The following BABAM2 variants were observed in gnomAD, a reference collection of about 807,000 sequenced individuals.
BABAM2 encodes BRISC and BRCA1 A complex member 2, also known as BRISC and BRCA1-A complex member 2.
A neutral mutation model predicts 54.7 loss-of-function variants in BABAM2; 31 were observed. The observed-to-expected ratio is 0.57, with a 90% CI of 0.43 to 0.77. The LOEUF is 0.77. Among genes scored for constraint, BABAM2 ranks in the 30% least tolerant of loss-of-function variants. The probability of loss-of-function intolerance (pLI) is 0.00; values close to 1 mark genes in which losing one functional copy is unlikely to be tolerated. For synonymous variants in BABAM2, 167 were observed against 162.9 expected, an observed-to-expected ratio of 1.03 and a Z score of -0.19; for missense variants, 364 against 455.8, an observed-to-expected ratio of 0.80 and a Z score of 1.83.
chr2:28,064,006 TTACCCCAAGAGAC>T (rs1477597730), intron 6 of BABAM2, among the ~76,000 whole-genome samples: 1 of 152,192 alleles, frequency 6.6e-6, no homozygotes, highest in African/African-American at 2.4e-5. Context: ...CACGCTCTTT[TTACCCCAAGAGAC>T]TACCATGGAG....
At chr2:28,194,085 C>A (rs1429412293) in intron 7 of BABAM2, among the ~76,000 whole-genome samples, 3 of 152,036 alleles carry the variant, frequency 2.0e-5, no homozygotes, top group Non-Finnish European at 4.4e-5. Flanking sequence ...CGGGAGTGTT[C>A]CAGTCAAAGG....
intron 4 of BABAM2, among the ~76,000 whole-genome samples, chr2:28,013,529 A>T (rs1268712866): frequency 9.2e-5 from 14 of 152,088 alleles, no homozygotes; most frequent in Admixed American, 9.2e-4. Flanking sequence ...TTTGCCCAAG[A>T]CATATGTCCT....
intron 6 of BABAM2, among the ~76,000 whole-genome samples, chr2:28,112,419 C>T (rs186135949): frequency 6.9e-4 from 105 of 151,738 alleles, no homozygotes; most frequent in Admixed American, 1.8e-3. Context: ...CATGTGTTCT[C>T]ATTCTTCAAC....
chr2:28,152,253 C>T (rs1315727647), intron 7 of BABAM2, among the ~76,000 whole-genome samples: 4 of 152,188 alleles, frequency 2.6e-5, no homozygotes, highest in African/African-American at 9.7e-5. Context: ...ACCACAGCCC[C>T]TCTGCCCTGG....
intron 3 of BABAM2, among the ~76,000 whole-genome samples, chr2:27,960,421 A>G (rs539112718): frequency 1.8e-4 from 27 of 152,054 alleles, no homozygotes; most frequent in Non-Finnish European, 2.8e-4. Context: ...TTGTTAAACA[A>G]TGAACTCAGA....
intron 2 of BABAM2, among the ~76,000 whole-genome samples, chr2:27,928,710 C>T (rs905119199): frequency 3.3e-5 from 5 of 152,028 alleles, no homozygotes; most frequent in Non-Finnish European, 5.9e-5. Context: ...TCCTTGCTTT[C>T]GTTTGTAAAT....
chr2:28,221,111 CCTCTCTCTCT>C (rs72394956), intron 7 of BABAM2, among the ~76,000 whole-genome samples: 1 of 148,422 alleles, frequency 6.7e-6, no homozygotes, highest in Non-Finnish European at 1.5e-5. Flanking sequence ...TCCCTTTTTT[CCTCTCTCTCT>C]CTCTCTCTCT....
At chr2:28,156,680 G>C (rs901305112) in intron 7 of BABAM2, among the ~76,000 whole-genome samples, 9 of 152,054 alleles carry the variant, frequency 5.9e-5, no homozygotes, top group African/African-American at 2.2e-4. Context: ...GAGCATAAAA[G>C]GCTTATCTTA....
At chr2:28,298,040 C>T (rs1687834634) in intron 10 of BABAM2, among the ~76,000 whole-genome samples, 1 of 152,188 alleles carries the variant, frequency 6.6e-6, no homozygotes, top group Admixed American at 6.5e-5. Flanking sequence ...CCCAAGCATC[C>T]TTCCCTAAGC....
At chr2:28,128,350 A>G (rs1669751337) in intron 6 of BABAM2, among the ~76,000 whole-genome samples, 1 of 152,218 alleles carries the variant, frequency 6.6e-6, no homozygotes, top group Non-Finnish European at 1.5e-5. Flanking sequence ...GGTTATTAAA[A>G]TTTGGTATTC....
At chr2:27,942,389 C>T (rs1471498639) in intron 3 of BABAM2, among the ~76,000 whole-genome samples, 1 of 152,066 alleles carries the variant, frequency 6.6e-6, no homozygotes, top group African/African-American at 2.4e-5. Flanking sequence ...GAGACAGGGT[C>T]TCGCCATGTC....
At chr2:28,151,036 G>A (rs1210188580) in intron 7 of BABAM2, among the ~76,000 whole-genome samples, 2 of 152,182 alleles carry the variant, frequency 1.3e-5, no homozygotes, top group Admixed American at 1.3e-4. Context: ...AATCAGATTT[G>A]TGGGTAAGAT....
chr2:28,078,406 T>C (rs2148669091), intron 6 of BABAM2, among the ~76,000 whole-genome samples: 1 of 152,074 alleles, frequency 6.6e-6, no homozygotes, highest in African/African-American at 2.4e-5. Flanking sequence ...GTAAAGTGCT[T>C]TAAGTGAAAA....
intron 3 of BABAM2, among the ~76,000 whole-genome samples, chr2:27,933,770 T>TTTTTG (rs1337417062): frequency 2.3e-4 from 34 of 148,100 alleles, no homozygotes; most frequent in Non-Finnish European, 3.0e-4. Flanking sequence ...GCTTGTTTTT[T>TTTTTG]TTTTTTTTTT....
chr2:28,307,512 T>C (rs966769189), intron 11 of BABAM2, among the ~76,000 whole-genome samples: 8 of 152,172 alleles, frequency 5.3e-5, no homozygotes, highest in Non-Finnish European at 8.8e-5. Context: ...TATATTTCTT[T>C]GTATATTTTA....
At chr2:28,308,298 C>T (rs1262813799) in intron 11 of BABAM2, 37 of 410,730 alleles carry the variant, frequency 9.0e-5, no homozygotes, top group Non-Finnish European at 1.2e-4. Flanking sequence ...ACCCACCTGC[C>T]AGTGGCCCAA....
chr2:28,046,308 A>G (rs1465383817), intron 6 of BABAM2, among the ~76,000 whole-genome samples: 1 of 151,992 alleles, frequency 6.6e-6, no homozygotes, highest in Admixed American at 6.6e-5. Context: ...AAATAGACAA[A>G]TATTAGCCGG....
At chr2:28,018,063 G>T (rs1172385606) in intron 4 of BABAM2, among the ~76,000 whole-genome samples, 2 of 152,214 alleles carry the variant, frequency 1.3e-5, no homozygotes, top group African/African-American at 4.8e-5. Context: ...TTCTTTAGTG[G>T]CAATTTCTGA....
At chr2:28,335,152 TTC>T (rs1691319237) in intron 11 of BABAM2, among the ~76,000 whole-genome samples, 2 of 108,274 alleles carry the variant, frequency 1.8e-5, no homozygotes, top group South Asian at 3.2e-4. Context: ...CTCTCCCACC[TTC>T]TTTTTTTTTT....
Sources: gnomAD v4.1 joint callset for allele counts (sites outside exome capture counted in the v4.1 genomes callset) on GRCh38, gnomAD v4.1.1 for gene constraint, MANE v1.5 for transcripts, NCBI Gene and HGNC (gene_info 2026-07-23, HGNC 2026-07-21) for gene names.